NCKAP5: variants seen among roughly 807,000 people sequenced by gnomAD.
The protein encoded by NCKAP5 is NCK associated protein 5, also known as nck-associated protein 5.
In NCKAP5, 92 loss-of-function variants were observed where a neutral mutation model predicts 167.0. That is an observed-to-expected ratio of 0.55 (90% CI 0.47 to 0.66). The LOEUF (loss-of-function observed/expected upper bound fraction) is 0.66. Among genes scored for constraint, NCKAP5 ranks in the 30% least tolerant of loss-of-function variants. NCKAP5 has a pLI of 0.00. For missense variants in NCKAP5, 2,378 were observed against 2,315.0 expected, an observed-to-expected ratio of 1.03 and a Z score of -0.56; for synonymous variants, 891 against 877.4, an observed-to-expected ratio of 1.02 and a Z score of -0.27.
At chr2:132,954,002 C>T (rs779365720) in intron 8 of NCKAP5, among the ~76,000 whole-genome samples, 1 of 152,170 alleles carries the variant, frequency 6.6e-6, no homozygotes, top group East Asian at 1.9e-4. Context: ...GAGGAACTAG[C>T]TCAAATGAAA....
Position 133,262,836 on chromosome 2 carries a change from C to T in NCKAP5, c.143+40201G>A, listed in dbSNP as rs1419469201. Among the ~76,000 whole-genome samples the T allele has an allele frequency of 2.0e-5, 3 of 152,162 alleles. No individual in the cohort carries two copies. The East Asian group carries it at 5.8e-4, about 29-fold the overall frequency. On this transcript the variant is annotated intron_variant, in intron 4 of 19. Coordinates refer to ENST00000409261, the MANE Select transcript of NCKAP5 (RefSeq NM_207363.3). The stretch of plus-strand genomic sequence containing the variant: ...CAGGAAGGCTTGTTCTCCAAAAATG[C>T]CCCTTGGTAAATATTTACTGGGTGA...
At chr2:133,155,810 C>A (rs887824294) in intron 5 of NCKAP5, among the ~76,000 whole-genome samples, 4 of 152,114 alleles carry the variant, frequency 2.6e-5, no homozygotes, top group African/African-American at 9.7e-5. Flanking sequence ...GAAACTCTTC[C>A]CTGGTTCTCT....
rs534099969 is a variant in NCKAP5, at chr2:133,214,708, T to C, written c.144-929A>G. On this transcript the variant is annotated intron_variant, in intron 4 of 19. Coordinates refer to ENST00000409261, the MANE Select transcript of NCKAP5 (RefSeq NM_207363.3). ...GTAAGTGAATTCTTCTGGTAATCCC[T>C]AAAATGTTAGCTTTAGTAAGTATTT... Among the ~76,000 whole-genome samples the C allele has an allele frequency of 1.8e-3, 272 of 152,160 alleles. 2 individuals are homozygous for C. The highest frequency in any genetic ancestry group is 6.0e-3 in the African/African-American group (248 of 41,514).
At chr2:133,072,860 G>A (rs939496361) in intron 6 of NCKAP5, among the ~76,000 whole-genome samples, 2 of 152,062 alleles carry the variant, frequency 1.3e-5, no homozygotes, top group African/African-American at 4.8e-5. Context: ...ATGACTGTAG[G>A]AATAGGAAAG....
chr2:133,517,194 A>C (rs966937279), intron 3 of NCKAP5, among the ~76,000 whole-genome samples: 6 of 152,232 alleles, frequency 3.9e-5, no homozygotes, highest in Non-Finnish European at 8.8e-5. Flanking sequence ...TATAGGCTGA[A>C]GTCTACATCA....
chr2:133,278,045 C>A (rs1035481451), intron 4 of NCKAP5, among the ~76,000 whole-genome samples: 1 of 152,098 alleles, frequency 6.6e-6, no homozygotes, highest in African/African-American at 2.4e-5. Context: ...GAATAAAAAA[C>A]CACAGGTGAA....
chr2:133,125,539 T>G (rs1446323577), intron 6 of NCKAP5, among the ~76,000 whole-genome samples: 3 of 152,140 alleles, frequency 2.0e-5, no homozygotes, highest in Non-Finnish European at 4.4e-5. Flanking sequence ...TCATAAAATA[T>G]GCCCAGCCAC....
intron 16 of NCKAP5, among the ~76,000 whole-genome samples, chr2:132,755,259 G>GT (rs1680437934): frequency 1.3e-5 from 2 of 152,330 alleles, no homozygotes; most frequent in Admixed American, 1.3e-4. Flanking sequence ...CCTGGTGGTT[G>GT]TGGTTTAGGC....
chr2:133,614,243 G>A, the NCKAP5 span, among the ~76,000 whole-genome samples: 1 of 152,164 alleles, frequency 6.6e-6, no homozygotes, highest in Non-Finnish European at 1.5e-5. Context: ...CGGCTGCCAG[G>A]AAATAGATTC....
intron 6 of NCKAP5, among the ~76,000 whole-genome samples, chr2:133,028,149 T>G (rs2078759028): frequency 6.6e-6 from 1 of 152,210 alleles, no homozygotes; most frequent in Non-Finnish European, 1.5e-5. Context: ...CCAAGCATTC[T>G]GAATAAGGGA....
chr2:132,874,769 C>T (rs989000697), intron 9 of NCKAP5, among the ~76,000 whole-genome samples: 1 of 152,116 alleles, frequency 6.6e-6, no homozygotes, highest in Non-Finnish European at 1.5e-5. Context: ...TTGCCAATTT[C>T]CTGTCCCTGC....
chr2:132,979,839 A>T (rs1202609217), intron 7 of NCKAP5, among the ~76,000 whole-genome samples: 1 of 152,196 alleles, frequency 6.6e-6, no homozygotes, highest in Non-Finnish European at 1.5e-5. Context: ...CAGAATGCAT[A>T]GGCTGGCCAC....
intron 3 of NCKAP5, among the ~76,000 whole-genome samples, chr2:133,311,425 C>T (rs1681223427): frequency 6.6e-6 from 1 of 152,180 alleles, no homozygotes; most frequent in African/African-American, 2.4e-5. Context: ...TCCATGAGTT[C>T]AGCTATCTGG....
At chr2:133,213,671 G>C in intron 5 of NCKAP5, 45 bp downstream of exon 5, 2 of 1,596,176 alleles carry the variant, frequency 1.3e-6, no homozygotes, top group Non-Finnish European at 1.7e-6. Flanking sequence ...TCAAGCCAGA[G>C]ACCTCTGGAT....
chr2:132,817,325 T>C (rs1474549639), intron 11 of NCKAP5, among the ~76,000 whole-genome samples: 1 of 152,200 alleles, frequency 6.6e-6, no homozygotes, highest in African/African-American at 2.4e-5. Context: ...AATTTCCTTA[T>C]TAGATTCTTT....
At chr2:133,024,968 G>T (rs1230669805) in intron 6 of NCKAP5, among the ~76,000 whole-genome samples, 1 of 152,188 alleles carries the variant, frequency 6.6e-6, no homozygotes, top group Non-Finnish European at 1.5e-5. Flanking sequence ...TATGATGATG[G>T]ATCTGAAAAG....
In NCKAP5 at chr2:132,860,536, G is replaced by A; in HGVS notation, c.763C>T (p.Leu255=). Residue 255 remains leucine, a synonymous_variant, in exon 11 of 20, where the codon CTA becomes TTA. Coordinates refer to ENST00000409261, the MANE Select transcript of NCKAP5 (RefSeq NM_207363.3). ...LEQQNRTLSI[L]FQQRVRPTSD... ...GTGGGTCTGACTCGCTGTTGGAATAGGATGCTTAGTGTTCGATTCTGCTGT... is the reference window on the plus strand; with the variant it reads ...GTGGGTCTGACTCGCTGTTGGAATAAGATGCTTAGTGTTCGATTCTGCTGT... 6.3e-7 allele frequency: 1 copy of A among 1,587,972 alleles called. No individual in the cohort carries two copies. Among genetic ancestry groups the A allele is most frequent in the African/African-American group, 1.3e-5 (1 of 74,748 alleles).
At chr2:132,914,990 C>CAAAAAAAAAAAAAA (rs11404641) in intron 8 of NCKAP5, among the ~76,000 whole-genome samples, 1 of 104,040 alleles carries the variant, frequency 9.6e-6, no homozygotes, top group Non-Finnish European at 2.4e-5. Flanking sequence ...AAGCTATGGC[C>CAAAAAAAAAAAAAA]AAAAAAAAAA....
At chr2:133,646,065 T>C in the NCKAP5 span, among the ~76,000 whole-genome samples, 4 of 152,042 alleles carry the variant, frequency 2.6e-5, no homozygotes, top group Non-Finnish European at 4.4e-5. Context: ...TGTGTGTCTA[T>C]GTATGTGTGT....
Sources: gnomAD v4.1 joint callset for allele counts (sites outside exome capture counted in the v4.1 genomes callset) on GRCh38, gnomAD v4.1.1 for gene constraint, MANE v1.5 for transcripts, NCBI Gene and HGNC (gene_info 2026-07-23, HGNC 2026-07-21) for gene names.